The following SLC28A2 variants were observed in gnomAD, a reference collection of about 807,000 sequenced individuals.
The protein encoded by SLC28A2 is solute carrier family 28 member 2.
SLC28A2 carries 69 observed loss-of-function variants against 72.9 expected under a neutral mutation model. The observed-to-expected ratio is 0.95, with a 90% CI of 0.78 to 1.16. The LOEUF is 1.16. Ranked by LOEUF, SLC28A2 falls within the 50% of genes most tolerant of loss-of-function variation. The probability of loss-of-function intolerance (pLI) is 0.00; values close to 1 mark genes in which losing one functional copy is unlikely to be tolerated. For missense variants in SLC28A2, 745 were observed against 791.1 expected, an observed-to-expected ratio of 0.94 and a Z score of 0.70; for synonymous variants, 296 against 294.1, an observed-to-expected ratio of 1.01 and a Z score of -0.07.
In SLC28A2 at chr15:45,265,590, C is replaced by G; in HGVS notation, c.788C>G (p.Pro263Arg). ...VKDVFAFQALPIIIFFGCVVS... is the reference protein window; with the variant it reads ...VKDVFAFQALRIIIFFGCVVS... ...CTACCATTCTCATTACAGGCCTTACCAATCATCATTTTCTTTGGATGTGTG... is the reference window on the plus strand; with the variant it reads ...CTACCATTCTCATTACAGGCCTTACGAATCATCATTTTCTTTGGATGTGTG... Residue 263 changes from proline (P) to arginine (R), a missense_variant, in exon 9 of 18, where the codon CCA becomes CGA. Transcript: ENST00000347644. 6.2e-7 allele frequency: 1 copy of G among 1,611,822 alleles called. No homozygotes were observed. Among genetic ancestry groups the G allele is most frequent in the Non-Finnish European group, 8.5e-7 (1 of 1,177,940 alleles).
rs1900759097 is a variant in SLC28A2 at position 45,276,524 on chromosome 15, C to A, written c.*1011C>A. 1 of 133,648 alleles carries A rather than the reference C, an allele frequency of 7.5e-6. No individual in the cohort carries two copies. The highest frequency in any genetic ancestry group is 2.7e-5 in the African/African-American group (1 of 37,064). 8.3% of individuals were successfully genotyped at this position (133,648 alleles called of 1,614,324 possible). ...AACTTCATAAAATAAAGTGAAGCAC[C>A]CACCAAAAAATAAAATAAATAAAAT... On this transcript the variant is annotated 3_prime_UTR_variant, in exon 18 of 18. Transcript: ENST00000347644.
chr15:45,267,176 A>G (rs1179599028), intron 10 of SLC28A2, among the ~76,000 whole-genome samples: 1 of 152,212 alleles, frequency 6.6e-6, no homozygotes, highest in Non-Finnish European at 1.5e-5. Context: ...TTTCTCTTCT[A>G]TAACATTTTA....
In SLC28A2 at chr15:45,263,242, ATGGT is replaced by A. The variant is rs1412510375; in HGVS notation, c.445_446+2del. 3.7e-6 allele frequency: 6 copies of A among 1,613,052 alleles called. No homozygotes were observed. Among genetic ancestry groups the A allele is most frequent in the Non-Finnish European group, 5.1e-6 (6 of 1,179,676 alleles). On this transcript the variant is annotated splice_donor_variant and coding_sequence_variant, in exon 5 of 18. Transcript: ENST00000347644. LOFTEE classifies it high-confidence loss of function. ...ACTCCCGCCTGAGGCTTTGGACGAA[ATGGT>A]AAGATAAGAATCTCAATACCTGGCC... is the stretch of plus-strand genomic sequence containing the variant.
chr15:45,265,097 G>C lies in SLC28A2; in HGVS notation c.711G>C (p.Leu237=), dbSNP rs369795990. 6 of 1,611,358 alleles carry C rather than the reference G, an allele frequency of 3.7e-6. No individual in the cohort carries two copies. Among genetic ancestry groups the C allele is most frequent in the Non-Finnish European group, 2.5e-6 (3 of 1,177,744 alleles). ...TCTTTTTTTCCCTTCAGATTTTCCT[G>C]AACTACACTGTGGCCGGCTCCAGTT... ...QWLGEQVQIF[L]NYTVAGSSFV... is the part of the protein sequence containing the mutation. Residue 237 remains leucine (L), a synonymous_variant, in exon 8 of 18, where the codon CTG becomes CTC. Transcript: ENST00000347644.
At position 45,268,436 on chromosome 15, in the gene SLC28A2, A is replaced by G. The variant is rs149788987; in HGVS notation, c.1368+58A>G. On this transcript the variant is annotated intron_variant, in intron 13 of 17. Coordinates refer to ENST00000347644, the MANE Select transcript of SLC28A2 (RefSeq NM_004212.4). ...GGGATGTGGTTAGGTAGCCCTTCAA[A>G]CATGCATGTCCAAATCAAAACCACA... 8.1e-3 allele frequency: 11,540 copies of G among 1,428,550 alleles called. 67 individuals are homozygous for G. The highest frequency in any genetic ancestry group is 9.8e-3 in the Non-Finnish European group (10,246 of 1,042,230). The allele number at this position is 1,428,550 out of a possible 1,614,324, so 88.5% of individuals were successfully genotyped here.
At chr15:45,272,611 TAA>T (rs1179535373) in intron 16 of SLC28A2, 60 bp from the exon 17 acceptor site, 3 of 1,024,236 alleles carry the variant, frequency 2.9e-6, no homozygotes, top group Non-Finnish European at 4.6e-6. Flanking sequence ...GCCAAAAGAA[TAA>T]AGAGCCTTGA....
chr15:45,266,057 G>A (rs1900323957), intron 9 of SLC28A2, 24 bp from the exon 10 acceptor site: 5 of 1,528,736 alleles, frequency 3.3e-6, no homozygotes, highest in Middle Eastern at 1.7e-4. Flanking sequence ...AACATTAATG[G>A]TTTAGGTTTC....
rs183652158 is a variant in SLC28A2 at position 45,277,294 on chromosome 15, C to G, written c.*1781C>G. On this transcript the variant is annotated 3_prime_UTR_variant, in exon 18 of 18. Transcript: ENST00000347644. ...CAGGAGTTCCTCAAAAAGTTAAACA[C>G]AGAATTACCATAGAGCCCCACAATT... 17 of 151,566 alleles carry G rather than the reference C, an allele frequency of 1.1e-4. No individual in the cohort carries two copies. The highest frequency in any genetic ancestry group is 4.1e-4 in the African/African-American group (17 of 41,358). The allele number at this position is 151,566 out of a possible 1,614,324, so 9.4% of individuals were successfully genotyped here.
chr15:45,264,617 C>T (rs1406617249), intron 6 of SLC28A2, 38 bp from the exon 7 acceptor site: 1 of 1,352,466 alleles, frequency 7.4e-7, no homozygotes. Flanking sequence ...AATGGACTAG[C>T]AGAACTCACA....
chr15:45,269,898 T>A (rs1048433009), intron 14 of SLC28A2, among the ~76,000 whole-genome samples: 1 of 152,204 alleles, frequency 6.6e-6, no homozygotes, highest in Non-Finnish European at 1.5e-5. Context: ...AAATTAATAT[T>A]CTTTTTCTTT....
At chr15:45,265,486 A>C in intron 8 of SLC28A2, 97 bp from the exon 9 acceptor site, 1 of 857,610 alleles carries the variant, frequency 1.2e-6, no homozygotes, top group Non-Finnish European at 2.0e-6. Context: ...CCTACACTGT[A>C]TGAGATACCC....
At chr15:45,254,990 C>T (rs1004566336) in intron 3 of SLC28A2, 2 of 152,174 alleles carry the variant, frequency 1.3e-5, no homozygotes, top group African/African-American at 4.8e-5. Context: ...GCTAGTGGCT[C>T]ATGCCTGTAA....
rs1224871970 is a variant in SLC28A2 at position 45,275,746 on chromosome 15, T to C, written c.*233T>C. The C allele has an allele frequency of 5.8e-6, 2 of 343,546 alleles. No homozygotes were observed. The highest frequency in any genetic ancestry group is 5.6e-5 in the East Asian group (1 of 17,838). The allele number at this position is 343,546 out of a possible 1,614,324, so 21.3% of individuals were successfully genotyped here. ...GTCAGGAGATCGAGACCATCCTGGC[T>C]AACACAGTGAAACCCCGTCTCTACT... On this transcript the variant is annotated 3_prime_UTR_variant, in exon 18 of 18. Transcript: ENST00000347644.
rs1423442466 is a variant in SLC28A2, at chr15:45,276,720, G to C, written c.*1207G>C. ...ATTTATTGGCATTGTGGATGAGCTG[G>C]ATTTATATTACTGATGTTACCTTTG... On this transcript the variant is annotated 3_prime_UTR_variant, in exon 18 of 18. Coordinates refer to ENST00000347644, the MANE Select transcript of SLC28A2 (RefSeq NM_004212.4). The C allele has an allele frequency of 6.6e-6, 1 of 151,986 alleles. No homozygotes were observed. The highest frequency in any genetic ancestry group is 1.5e-5 in the Non-Finnish European group (1 of 67,982). The allele number at this position is 151,986 out of a possible 1,614,324, so 9.4% of individuals were successfully genotyped here.
chr15:45,269,300 A>T, intron 13 of SLC28A2, 38 bp from the exon 14 acceptor site: 1 of 1,555,568 alleles, frequency 6.4e-7, no homozygotes, highest in Non-Finnish European at 8.9e-7. Flanking sequence ...TTGTTATATT[A>T]GTCCTTCCTT....
intron 15 of SLC28A2, chr15:45,271,893 G>A (rs955633352): frequency 1.2e-5 from 2 of 172,152 alleles, no homozygotes; most frequent in Non-Finnish European, 2.5e-5. Context: ...CACAATGAGT[G>A]TTGCTTTCCT....
chr15:45,265,709 T>C, intron 9 of SLC28A2, 46 bp downstream of exon 9: 1 of 1,306,758 alleles, frequency 7.7e-7, no homozygotes, highest in Non-Finnish European at 1.1e-6. Context: ...CTTCATCCTG[T>C]CATCAGTCAG....
At chr15:45,270,827 G>A (rs994142974) in intron 15 of SLC28A2, among the ~76,000 whole-genome samples, 1 of 151,810 alleles carries the variant, frequency 6.6e-6, no homozygotes, top group Non-Finnish European at 1.5e-5. Context: ...TAGAAGAGAC[G>A]GGGTTTCACC....
chr15:45,272,606 A>G lies in SLC28A2; in HGVS notation c.1748-67A>G, dbSNP rs559192260. The stretch of plus-strand genomic sequence containing the variant: ...CAAGAGTGTCCACAATTCGTGCCAA[A>G]AGAATAAAGAGCCTTGAGAAGCACG... On this transcript the variant is annotated intron_variant, in intron 16 of 17. Transcript: ENST00000347644. 3.0e-6 allele frequency: 3 copies of G among 999,870 alleles called. No homozygotes were observed. In the South Asian group the frequency reaches 3.9e-5, roughly 13 times the overall value. 61.9% of individuals were successfully genotyped at this position (999,870 alleles called of 1,614,324 possible). A position where few individuals can be genotyped will look rare whatever the true frequency, so the allele number is the denominator to read the frequency against.
Sources: allele counts gnomAD v4.1 joint callset (sites outside exome capture counted in the v4.1 genomes callset), GRCh38; gene constraint gnomAD v4.1.1; transcripts MANE v1.5; gene names NCBI Gene and HGNC (gene_info 2026-07-23, HGNC 2026-07-21).